VASH2: variants seen among roughly 807,000 people sequenced by gnomAD.
The protein encoded by VASH2 is vasohibin 2, also known as tubulinyl-Tyr carboxypeptidase 2.
VASH2 carries 28 observed loss-of-function variants against 37.2 expected under a neutral mutation model. The ratio of observed to expected loss-of-function variants is 0.75; its 90% CI spans 0.56 to 1.03. VASH2 has a LOEUF of 1.03. Ranked by LOEUF, VASH2 falls within the 50% of genes least tolerant of loss-of-function variation. The probability of loss-of-function intolerance (pLI) is 0.00; values close to 1 mark genes in which losing one functional copy is unlikely to be tolerated. For missense variants in VASH2, 419 were observed against 459.1 expected (o/e 0.91, Z 0.80); for synonymous variants, 188 against 174.7 (o/e 1.08, Z -0.60).
intron 2 of VASH2, among the ~76,000 whole-genome samples, chr1:212,954,008 A>G (rs191240364): frequency 6.6e-5 from 10 of 151,890 alleles, no homozygotes; most frequent in Admixed American, 6.6e-4. Flanking sequence ...TCCCAGGCTC[A>G]AGCAATCCTC....
chr1:212,974,041 C>A lies in VASH2; in HGVS notation c.966C>A (p.Pro322=). Residue 322 remains proline (P), a synonymous_variant, in exon 7 of 8, where the codon CCC becomes CCA. Transcript: ENST00000517399. ...CCCCCAGAAGGAGACAGGCAAGCCC[C>A]CCGAGGAGGCTCGGCCGGCGAGAGA... ...SLSPRRRQAS[P]PRRLGRREKS... The A allele has an allele frequency of 6.2e-7, 1 of 1,613,612 alleles. No homozygotes were observed. The highest frequency in any genetic ancestry group is 8.5e-7 in the Non-Finnish European group (1 of 1,179,662).
intron 3 of VASH2, among the ~76,000 whole-genome samples, chr1:212,963,473 T>G (rs1305514827): frequency 6.6e-6 from 1 of 152,128 alleles, no homozygotes; most frequent in African/African-American, 2.4e-5. Flanking sequence ...CTGGTTGGCA[T>G]CAGTCCTGAC....
At chr1:212,959,440 C>A (rs561695689) in intron 2 of VASH2, among the ~76,000 whole-genome samples, 1 of 106,522 alleles carries the variant, frequency 9.4e-6, no homozygotes, top group Non-Finnish European at 1.8e-5. Context: ...CACATTCACA[C>A]GCACATTCAC....
At chr1:212,985,147 A>G (rs571671722) in intron 7 of VASH2, among the ~76,000 whole-genome samples, 1 of 150,390 alleles carries the variant, frequency 6.6e-6, no homozygotes, top group South Asian at 2.1e-4. Flanking sequence ...TCAGCCTTCC[A>G]AGTAGCTGGG....
intron 2 of VASH2, among the ~76,000 whole-genome samples, chr1:212,958,307 C>A (rs866792405): frequency 2.6e-4 from 40 of 152,332 alleles, no homozygotes; most frequent in African/African-American, 9.4e-4. Context: ...CGCCACTGCC[C>A]TGCCCCCAGC....
intron 2 of VASH2, among the ~76,000 whole-genome samples, chr1:212,959,485 T>C (rs1041616328): frequency 6.5e-4 from 99 of 152,222 alleles, no homozygotes; most frequent in African/African-American, 2.3e-3. Flanking sequence ...TTGGCTGTAA[T>C]GCAGGAAGTG....
intron 7 of VASH2, among the ~76,000 whole-genome samples, chr1:212,981,002 C>T (rs1315225371): frequency 6.6e-6 from 1 of 152,182 alleles, no homozygotes; most frequent in African/African-American, 2.4e-5. Flanking sequence ...AAGACCACCT[C>T]AGGCAGAGTG....
At chr1:212,968,925 C>G (rs1376243755) in intron 5 of VASH2, 5 of 985,450 alleles carry the variant, frequency 5.1e-6, no homozygotes, top group Non-Finnish European at 6.0e-6. Flanking sequence ...ACCTCCCTTA[C>G]ACAATAGTCT....
chr1:212,954,530 C>T (rs1330748309), intron 2 of VASH2, among the ~76,000 whole-genome samples: 2 of 152,170 alleles, frequency 1.3e-5, no homozygotes, highest in Non-Finnish European at 2.9e-5. Flanking sequence ...AAGCAATTCT[C>T]CTGCCTCAGC....
chr1:212,951,571 G>A lies in VASH2; in HGVS notation c.29G>A (p.Arg10His), dbSNP rs1416099809. 22 of 1,538,150 alleles carry A rather than the reference G, an allele frequency of 1.4e-5. No homozygotes were observed. Among genetic ancestry groups the A allele is most frequent in the African/African-American group, 4.1e-5 (3 of 72,848 alleles). ...ACCGGCTCCGCGGCCGACACTCACC[G>A]CTGCCCCCACCCCAAAGGCGCCAAA... MTGSAADTHRCPHPKGAKGT... is the reference protein window; with the variant it reads MTGSAADTHHCPHPKGAKGT... Residue 10 changes from arginine (R) to histidine (H), a missense_variant, in exon 2 of 8, where the codon CGC becomes CAC. By Grantham distance (29) the Arg-to-His change is conservative. Coordinates refer to ENST00000517399, the MANE Select transcript of VASH2 (RefSeq NM_001301056.2). The surrounding 1 kb of genome is among the most constrained non-coding windows in gnomAD (Gnocchi z 4.4).
chr1:212,959,008 C>T (rs565465518), intron 2 of VASH2, among the ~76,000 whole-genome samples: 13 of 152,188 alleles, frequency 8.5e-5, no homozygotes, highest in African/African-American at 3.1e-4. Context: ...GGATTACAGG[C>T]GTCAGCCACT....
intron 7 of VASH2, among the ~76,000 whole-genome samples, chr1:212,982,843 A>T (rs760106638): frequency 2.0e-5 from 3 of 152,224 alleles, no homozygotes; most frequent in Non-Finnish European, 4.4e-5. Context: ...CAGAAGAAGA[A>T]GATGACCTAG....
In VASH2 at chr1:212,951,954, C is replaced by G; in HGVS notation, c.276+136C>G. On this transcript the variant is annotated intron_variant, in intron 2 of 7. Transcript: ENST00000517399. This position sits in a 1 kb window ranked among gnomAD's most constrained non-coding sequence, Gnocchi z 4.4. ...TACAAACTCCCTTCCTCTCCCCATT[C>G]CTTCCTGCCAGCCCTTTTCTAATTG... 1 of 1,077,358 alleles carries G rather than the reference C, an allele frequency of 9.3e-7. No homozygotes were observed. Among genetic ancestry groups the G allele is most frequent in the Non-Finnish European group, 1.3e-6 (1 of 770,224 alleles). The allele number at this position is 1,077,358 out of a possible 1,614,324, so 66.7% of individuals were successfully genotyped here. A position where few individuals can be genotyped will look rare whatever the true frequency, so the allele number is the denominator to read the frequency against.
At chr1:212,973,677 G>A (rs1667079333) in intron 6 of VASH2, 7 of 1,260,402 alleles carry the variant, frequency 5.6e-6, no homozygotes, top group Non-Finnish European at 7.1e-6. Context: ...CGGGGAGACT[G>A]AGGCATTGGG....
chr1:212,953,239 G>C (rs1004781697), intron 2 of VASH2, among the ~76,000 whole-genome samples: 2 of 151,742 alleles, frequency 1.3e-5, no homozygotes, highest in African/African-American at 4.9e-5. Flanking sequence ...GCGGGGGGGG[G>C]TGCATTCTCT....
At position 212,961,585 on chromosome 1, in the gene VASH2, C is replaced by T. The variant is rs1451358009; in HGVS notation, c.365+331C>T. 2.0e-5 allele frequency among the ~76,000 whole-genome samples: 3 copies of T among 152,130 alleles called. No homozygotes were observed. The East Asian group carries it at 5.8e-4, about 29-fold the overall frequency. Reference sequence around the variant, plus strand: ...TTCCTTTCTCTTGGGCATCTTTGTTCCCCTCCTCCTGTTCTCCTTCACTGT... The same window carrying T: ...TTCCTTTCTCTTGGGCATCTTTGTTTCCCTCCTCCTGTTCTCCTTCACTGT... On this transcript the variant is annotated intron_variant, in intron 3 of 7. Coordinates refer to ENST00000517399, the MANE Select transcript of VASH2 (RefSeq NM_001301056.2).
intron 2 of VASH2, among the ~76,000 whole-genome samples, chr1:212,959,848 G>A (rs1337480716): frequency 6.6e-6 from 1 of 152,212 alleles, no homozygotes; most frequent in African/African-American, 2.4e-5. Flanking sequence ...CCCTTGCCCT[G>A]TTTGCTCTGA....
intron 7 of VASH2, among the ~76,000 whole-genome samples, chr1:212,985,083 G>A (rs1204061008): frequency 6.6e-6 from 1 of 150,618 alleles, no homozygotes; most frequent in Non-Finnish European, 1.5e-5. Flanking sequence ...ATGCAGTTGT[G>A]CAATCTCAGC....
Position 212,988,938 on chromosome 1 carries a change from A to T in VASH2, c.*354A>T, listed in dbSNP as rs985740393. The T allele has an allele frequency of 8.6e-6, 2 of 233,174 alleles. No homozygotes were observed. Among genetic ancestry groups the T allele is most frequent in the African/African-American group, 4.4e-5 (2 of 45,056 alleles). The allele number at this position is 233,174 out of a possible 1,614,324, so 14.4% of individuals were successfully genotyped here. A position where few individuals can be genotyped will look rare whatever the true frequency, so the allele number is the denominator to read the frequency against. ...AAATGTTCATGAAATAATCTCTTGAACTTTTGGTATAGTAAGGTAACTCTA... is the reference window on the plus strand; with the variant it reads ...AAATGTTCATGAAATAATCTCTTGATCTTTTGGTATAGTAAGGTAACTCTA... On this transcript the variant is annotated 3_prime_UTR_variant, in exon 8 of 8. Coordinates refer to ENST00000517399, the MANE Select transcript of VASH2 (RefSeq NM_001301056.2).
Sources: allele counts gnomAD v4.1 joint callset (sites outside exome capture counted in the v4.1 genomes callset), GRCh38; gene constraint gnomAD v4.1.1; non-coding constraint Gnocchi (gnomAD v3.1); transcripts MANE v1.5; gene names NCBI Gene and HGNC (gene_info 2026-07-23, HGNC 2026-07-21).